DDX54: variants seen among roughly 807,000 people sequenced by gnomAD.
DDX54 encodes DEAD-box helicase 54.
DDX54 carries 67 observed loss-of-function variants against 105.5 expected under a neutral mutation model. The observed-to-expected ratio is 0.64, with a 90% CI of 0.52 to 0.78. The LOEUF is 0.78. Ranked by LOEUF, DDX54 falls within the 30% of genes least tolerant of loss-of-function variation. DDX54 has a pLI of 0.00. For synonymous variants in DDX54, 514 were observed against 509.9 expected (o/e 1.01, Z -0.11); for missense variants, 1,206 against 1,230.5 (o/e 0.98, Z 0.30).
At position 113,157,603 on chromosome 12, in the gene DDX54, T is replaced by A. The variant is rs936528877; in HGVS notation, c.*1274A>T. The A allele has an allele frequency of 1.4e-5, 22 of 1,551,448 alleles. No homozygotes were observed. Among genetic ancestry groups the A allele is most frequent in the Non-Finnish European group, 1.9e-5 (22 of 1,146,968 alleles). ...TGACTTCGTGCTGGGCCCCCCCAGG[T>A]GAAGCTGTTCATGCAGGACCTCTCT... On this transcript the variant is annotated 3_prime_UTR_variant, in exon 20 of 20. Coordinates refer to ENST00000306014, the MANE Select transcript of DDX54 (RefSeq NM_024072.4).
chr12:113,162,810 A>T, intron 17 of DDX54, 122 bp downstream of exon 17: 1 of 902,830 alleles, frequency 1.1e-6, no homozygotes, highest in Non-Finnish European at 1.6e-6. Flanking sequence ...CGGCTCACTC[A>T]CTCACTCACC....
At chr12:113,164,036 A>G in intron 15 of DDX54, 31 bp downstream of exon 15, 10 of 1,525,656 alleles carry the variant, frequency 6.6e-6, no homozygotes, top group Non-Finnish European at 8.9e-6. Flanking sequence ...CCCATACCCC[A>G]GGTCCAGGGT....
At chr12:113,161,794 T>TCCCC in intron 18 of DDX54, 99 bp downstream of exon 18, 1 of 82,322 alleles carries the variant, frequency 1.2e-5, no homozygotes, top group Non-Finnish European at 2.4e-5. Flanking sequence ...CGCCCCCTCC[T>TCCCC]CCCCGCCCCC....
chr12:113,184,465 C>T (rs760706592), intron 1 of DDX54, among the ~76,000 whole-genome samples: 9 of 152,164 alleles, frequency 5.9e-5, no homozygotes. Context: ...GTTAGCACAA[C>T]GTTGGTGTGA....
intron 17 of DDX54, chr12:113,162,668 C>T (rs570005674): frequency 2.2e-6 from 1 of 455,728 alleles, no homozygotes; most frequent in East Asian, 4.2e-5. Context: ...CTCGCTCACT[C>T]ACTTCAGGGA....
At chr12:113,175,890 C>T (rs1952396629) in intron 7 of DDX54, among the ~76,000 whole-genome samples, 1 of 152,050 alleles carries the variant, frequency 6.6e-6, no homozygotes, top group South Asian at 2.1e-4. Context: ...GAGGTCGAGG[C>T]TGCAGTGAGC....
chr12:113,171,789 G>C (rs1357711500), intron 11 of DDX54, among the ~76,000 whole-genome samples: 1 of 152,156 alleles, frequency 6.6e-6, no homozygotes, highest in East Asian at 1.9e-4. Flanking sequence ...CATGTCATCA[G>C]AGAGCAATGG....
intron 10 of DDX54, 32 bp from the exon 11 acceptor site, chr12:113,172,595 A>G (rs754282699): frequency 6.2e-7 from 1 of 1,609,384 alleles, no homozygotes; most frequent in East Asian, 2.2e-5. Context: ...GCAAAGTGAG[A>G]AGGAGACTTG....
intron 10 of DDX54, among the ~76,000 whole-genome samples, chr12:113,174,273 T>C (rs1320516946): frequency 6.7e-6 from 1 of 149,846 alleles, no homozygotes; most frequent in East Asian, 2.0e-4. Context: ...AGCCCAGGAG[T>C]TCAAGACCAG....
At chr12:113,175,532 A>G (rs1952392254) in intron 7 of DDX54, among the ~76,000 whole-genome samples, 1 of 152,190 alleles carries the variant, frequency 6.6e-6, no homozygotes, top group Non-Finnish European at 1.5e-5. Context: ...TCAGGCCTGT[A>G]ATCCCAAGCA....
At chr12:113,171,450 A>G (rs1952338206) in intron 11 of DDX54, among the ~76,000 whole-genome samples, 1 of 152,006 alleles carries the variant, frequency 6.6e-6, no homozygotes, top group Non-Finnish European at 1.5e-5. Context: ...TAAAAACACA[A>G]AAAATTAGCT....
chr12:113,160,439 T>A (rs887943101), intron 19 of DDX54, among the ~76,000 whole-genome samples: 2 of 152,146 alleles, frequency 1.3e-5, no homozygotes, highest in Non-Finnish European at 2.9e-5. Flanking sequence ...GCCTGTAAAA[T>A]GGGTATTCGC....
chr12:113,166,818 G>A (rs1267281356), intron 12 of DDX54, among the ~76,000 whole-genome samples: 1 of 152,214 alleles, frequency 6.6e-6, no homozygotes, highest in African/African-American at 2.4e-5. Flanking sequence ...CTGAGGCTCA[G>A]CGAGGTTCAA....
At position 113,179,320 on chromosome 12, in the gene DDX54, C is replaced by G; in HGVS notation, c.387G>C (p.Val129=). 6.2e-7 allele frequency: 1 copy of G among 1,613,236 alleles called. No individual in the cohort carries two copies. The highest frequency in any genetic ancestry group is 8.5e-7 in the Non-Finnish European group (1 of 1,179,982). Residue 129 remains valine (V), a synonymous_variant, in exon 4 of 20, where the codon GTG becomes GTC. Transcript: ENST00000306014. The part of the protein sequence containing the change: ...PTPIQRKTIP[V]ILDGKDVVAM... ...CCACCACGTCCTTGCCATCCAAGATCACCGGGATGGTCTGGAGAGGCACAA... is the reference window on the plus strand; with the variant it reads ...CCACCACGTCCTTGCCATCCAAGATGACCGGGATGGTCTGGAGAGGCACAA...
chr12:113,184,236 G>A (rs777488340), intron 1 of DDX54, among the ~76,000 whole-genome samples: 1 of 151,876 alleles, frequency 6.6e-6, no homozygotes, highest in African/African-American at 2.4e-5. Flanking sequence ...GTGAGCCACC[G>A]CGGCCATCCT....
chr12:113,170,341 G>A (rs188239538), intron 11 of DDX54, among the ~76,000 whole-genome samples: 1 of 152,274 alleles, frequency 6.6e-6, no homozygotes, highest in Non-Finnish European at 1.5e-5. Context: ...GAAAAGAGTG[G>A]GCAAACTGCA....
At chr12:113,177,173 C>G in intron 5 of DDX54, 80 bp from the exon 6 acceptor site, 1 of 1,523,228 alleles carries the variant, frequency 6.6e-7, no homozygotes, top group Non-Finnish European at 9.0e-7. Context: ...CCAGGCAAGG[C>G]TGCACACCCC....
chr12:113,174,803 C>CG, intron 9 of DDX54, 32 bp from the exon 10 acceptor site: 1 of 1,614,174 alleles, frequency 6.2e-7, no homozygotes, highest in Non-Finnish European at 8.5e-7. Context: ...TGTTGGCTTA[C>CG]GGGGTCCTGG....
chr12:113,181,899 A>ATCCC (rs767634175), intron 1 of DDX54, among the ~76,000 whole-genome samples: 79 of 152,164 alleles, frequency 5.2e-4, no homozygotes, highest in South Asian at 2.7e-3. Flanking sequence ...CACGCCTGTA[A>ATCCC]TCCCAGCACT....
Sources: allele counts gnomAD v4.1 joint callset (sites outside exome capture counted in the v4.1 genomes callset), GRCh38; gene constraint gnomAD v4.1.1; transcripts MANE v1.5; gene names NCBI Gene and HGNC (gene_info 2026-07-23, HGNC 2026-07-21).